The following CTNND1 variants were observed in gnomAD, a reference collection of about 807,000 sequenced individuals.
CTNND1 encodes the protein catenin delta-1.
CTNND1 carries 16 observed loss-of-function variants against 112.1 expected under a neutral mutation model. The observed-to-expected ratio is 0.14, with a 90% confidence interval of 0.10 to 0.22. The LOEUF (loss-of-function observed/expected upper bound fraction) is 0.22, where lower values mean the gene tolerates loss of function less well. Among genes scored for constraint, CTNND1 ranks in the 10% least tolerant of loss-of-function variants. The pLI, the probability that CTNND1 is intolerant of heterozygous loss-of-function variation, is 1.00. For synonymous variants in CTNND1, 420 were observed against 446.5 expected, an observed-to-expected ratio of 0.94 and a Z score of 0.75; for missense variants, 1,008 against 1,257.0, an observed-to-expected ratio of 0.80 and a Z score of 3.00.
chr11:57,777,495 C>G (rs1344166086), intron 1 of CTNND1, among the ~76,000 whole-genome samples: 9 of 152,174 alleles, frequency 5.9e-5, no homozygotes, highest in African/African-American at 2.2e-4. Context: ...GTCTCGAACT[C>G]CTGACCTCCA....
At chr11:57,800,005 T>TTTTTTTTTGG (rs1491566576) in intron 6 of CTNND1, among the ~76,000 whole-genome samples, 1 of 130,924 alleles carries the variant, frequency 7.6e-6, no homozygotes. Context: ...TTTTTTTTTT[T>TTTTTTTTTGG]GAGATGGAGT....
intron 1 of CTNND1, among the ~76,000 whole-genome samples, chr11:57,772,489 C>T (rs1952938198): frequency 6.6e-6 from 1 of 152,116 alleles, no homozygotes; most frequent in African/African-American, 2.4e-5. Context: ...TTGAGGACCC[C>T]TTTATAGGTC....
At chr11:57,807,682 A>C (rs1000766817) in intron 12 of CTNND1, among the ~76,000 whole-genome samples, 1 of 151,816 alleles carries the variant, frequency 6.6e-6, no homozygotes, top group African/African-American at 2.4e-5. Context: ...CTTTATATTC[A>C]TCAATACAGT....
At chr11:57,766,098 A>G (rs147508633) in intron 1 of CTNND1, among the ~76,000 whole-genome samples, 44 of 152,240 alleles carry the variant, frequency 2.9e-4, no homozygotes, top group African/African-American at 1.1e-3. Context: ...GCCAGATCCT[A>G]TCTCAAAAAA....
chr11:57,806,394 C>T (rs2054054802), intron 10 of CTNND1, 67 bp from the exon 11 acceptor site: 3 of 1,419,866 alleles, frequency 2.1e-6, no homozygotes, highest in South Asian at 2.5e-5. Flanking sequence ...CTGCTGACAT[C>T]TTTCTCCTGC....
In CTNND1 at chr11:57,802,173, T is replaced by C; in HGVS notation, c.1397T>C (p.Met466Thr). ...LVRLLRKARD[M>T]DLTEVITGTL... is the part of the protein sequence containing the mutation. Reference sequence around the variant, plus strand: ...CGATTGCTTCGAAAGGCTCGTGATATGGACCTTACTGAAGTTATTACCGGT... The same window carrying C: ...CGATTGCTTCGAAAGGCTCGTGATACGGACCTTACTGAAGTTATTACCGGT... The change falls in exon 7 of 21, where the codon ATG becomes ACG. Residue 466 changes from methionine to threonine, a missense_variant. Around this residue, in one of 5 missense-constraint regions of CTNND1, gnomAD observed 216 missense variants for 342.8 expected, o/e 0.63. Coordinates refer to ENST00000399050, the MANE Select transcript of CTNND1 (RefSeq NM_001085458.2). The C allele has an allele frequency of 2.5e-6, 4 of 1,612,958 alleles. No individual in the cohort carries two copies. The highest frequency in any genetic ancestry group is 1.1e-5 in the South Asian group (1 of 90,956).
At chr11:57,778,220 G>A (rs765383473) in intron 1 of CTNND1, among the ~76,000 whole-genome samples, 1 of 152,060 alleles carries the variant, frequency 6.6e-6, no homozygotes, top group Non-Finnish European at 1.5e-5. Flanking sequence ...GCCTTTGTTT[G>A]TTCTCTGTGG....
intron 19 of CTNND1, 80 bp downstream of exon 19, chr11:57,815,580 A>G: frequency 1.7e-6 from 2 of 1,189,610 alleles, no homozygotes; most frequent in Non-Finnish European, 2.5e-6. Flanking sequence ...ACACAAAAAA[A>G]AGTACAGAGA....
chr11:57,794,071 A>C lies in CTNND1; in HGVS notation c.257A>C (p.Asn86Thr). The C allele has an allele frequency of 6.2e-7, 1 of 1,614,002 alleles. No homozygotes were observed. The highest frequency in any genetic ancestry group is 1.1e-5 in the South Asian group (1 of 91,086). ...ERQKFSDLKL[N>T]GPQDHSHLLY... is the part of the protein sequence containing the mutation. ...CAGAAATTTTCAGATTTGAAACTCA[A>C]CGGACCCCAGGTAATTCTTTGGCTC... The change falls in exon 4 of 21, where the codon AAC becomes ACC. Residue 86 changes from asparagine (N) to threonine (T), a missense_variant. By Grantham distance (65) the Asn-to-Thr change is moderately conservative (BLOSUM62 0). Around this residue, in one of 5 missense-constraint regions of CTNND1, gnomAD observed 404 missense variants for 457.9 expected, o/e 0.88. Transcript: ENST00000399050.
chr11:57,810,004 C>T (rs2063143815), intron 15 of CTNND1, 105 bp from the exon 16 acceptor site: 4 of 736,264 alleles, frequency 5.4e-6, no homozygotes, highest in Admixed American at 6.9e-5. Context: ...AGCCACTGTG[C>T]CCTGCCCCTG....
chr11:57,799,670 A>G (rs2137042140), intron 6 of CTNND1, among the ~76,000 whole-genome samples: 1 of 152,358 alleles, frequency 6.6e-6, no homozygotes, highest in South Asian at 2.1e-4. Flanking sequence ...AAGAATGTCC[A>G]ATCCACTGCC....
intron 18 of CTNND1, 110 bp from the exon 19 acceptor site, chr11:57,815,284 T>C (rs909301858): frequency 2.8e-4 from 178 of 637,830 alleles, no homozygotes; most frequent in Middle Eastern, 6.2e-4. Flanking sequence ...GTGGAGCATT[T>C]GACAAGCTCA....
chr11:57,800,581 A>AT (rs1358670557), intron 6 of CTNND1, among the ~76,000 whole-genome samples: 4 of 152,092 alleles, frequency 2.6e-5, no homozygotes. Context: ...TTTCCGTGTT[A>AT]TTTTAAGACC....
intron 1 of CTNND1, among the ~76,000 whole-genome samples, chr11:57,778,829 T>C (rs2059280695): frequency 6.6e-6 from 1 of 152,186 alleles, no homozygotes; most frequent in Admixed American, 6.5e-5. Flanking sequence ...CTGTGAAATC[T>C]CTTTGTCCCT....
At chr11:57,789,190 A>G (rs2060433808) in intron 2 of CTNND1, 35 bp downstream of exon 2, 1 of 1,336,984 alleles carries the variant, frequency 7.5e-7, no homozygotes, top group Non-Finnish European at 9.9e-7. Context: ...AGAAGGAAAA[A>G]TCTTACTTTT....
In CTNND1 at chr11:57,808,090, C is replaced by T. The variant is rs2062934612; in HGVS notation, c.1964-75C>T. 3 of 1,506,268 alleles carry T rather than the reference C, an allele frequency of 2.0e-6. No homozygotes were observed. In the African/African-American group the frequency reaches 4.1e-5, roughly 21 times the overall value. 93.3% of individuals were successfully genotyped at this position (1,506,268 alleles called of 1,614,324 possible). A position where few individuals can be genotyped will look rare whatever the true frequency, so the allele number is the denominator to read the frequency against. On this transcript the variant is annotated intron_variant, in intron 12 of 20. Transcript: ENST00000399050. ...AATCCATCAACTGAGAGTACTAAGGCTGGACTCCAGCCAGCTAGAGCCTGG... is the reference window on the plus strand; with the variant it reads ...AATCCATCAACTGAGAGTACTAAGGTTGGACTCCAGCCAGCTAGAGCCTGG...
In CTNND1 at chr11:57,816,292, C is replaced by T. The variant is rs757322422; in HGVS notation, c.2896-5C>T. ...ACATTCTCTCTTTCTCTTTTTTCTC[C>T]ACAGCAGAAGATTTAGCACCACTAT... On this transcript the variant is annotated splice_region_variant and splice_polypyrimidine_tract_variant and intron_variant, in intron 20 of 20. Transcript: ENST00000399050. 4 of 1,613,492 alleles carry T rather than the reference C, an allele frequency of 2.5e-6. No individual in the cohort carries two copies. The African/African-American group carries it at 4.0e-5, about 16-fold the overall frequency.
intron 2 of CTNND1, among the ~76,000 whole-genome samples, chr11:57,791,175 A>G (rs2060699560): frequency 6.6e-6 from 1 of 152,150 alleles, no homozygotes; most frequent in African/African-American, 2.4e-5. Flanking sequence ...TCCTTTCAAT[A>G]GTTATTTCTG....
In CTNND1 at chr11:57,809,417, C is replaced by T. The variant is rs760669480; in HGVS notation, c.2386C>T (p.Leu796Phe). The T allele has an allele frequency of 6.2e-7, 1 of 1,613,762 alleles. No homozygotes were observed. Among genetic ancestry groups the T allele is most frequent in the Admixed American group, 1.7e-5 (1 of 59,988 alleles). Reference protein sequence around the residue: ...IAENLEAAKKLRETQGIEKLV... With the variant: ...IAENLEAAKKFRETQGIEKLV... ...TGAGAACTTGGAGGCTGCCAAAAAG[C>T]TTCGAGAGACACAGGGTATTGAGAA... Residue 796 changes from leucine (L) to phenylalanine (F), a missense_variant, in exon 15 of 21, where the codon CTT (leucine) becomes TTT (phenylalanine). Leu to Phe is a conservative substitution (Grantham distance 22, BLOSUM62 0). Around this residue, in one of 5 missense-constraint regions of CTNND1, gnomAD observed 254 missense variants for 279.5 expected, o/e 0.91. Transcript: ENST00000399050.
Sources: allele counts gnomAD v4.1 joint callset (sites outside exome capture counted in the v4.1 genomes callset), GRCh38; gene constraint gnomAD v4.1.1; regional missense constraint gnomAD v4.1.1; transcripts MANE v1.5; gene names NCBI Gene and HGNC (gene_info 2026-07-23, HGNC 2026-07-21).